The following TSPAN7 variants were observed in gnomAD, a reference collection of about 807,000 sequenced individuals.
The protein encoded by TSPAN7 is tetraspanin 7.
TSPAN7 carries 1 observed loss-of-function variant against 17.6 expected under a neutral mutation model. The ratio of observed to expected loss-of-function variants is 0.06; its 90% CI spans 0.02 to 0.27. The LOEUF (loss-of-function observed/expected upper bound fraction) is 0.27. Ranked by LOEUF, TSPAN7 falls within the 10% of genes least tolerant of loss-of-function variation. TSPAN7 has a pLI of 1.00. For missense variants in TSPAN7, 112 were observed against 201.7 expected, an observed-to-expected ratio of 0.56 and a Z score of 2.69; for synonymous variants, 78 against 79.0, an observed-to-expected ratio of 0.99 and a Z score of 0.07.
intron 1 of TSPAN7, among the ~76,000 whole-genome samples, chrX:38,614,914 T>C (rs2069445482): frequency 8.9e-6 from 1 of 112,254 alleles, no homozygotes; most frequent in Non-Finnish European, 1.9e-5. Flanking sequence ...TTTGCTTTTT[T>C]TGCAACTGTA....
intron 1 of TSPAN7, among the ~76,000 whole-genome samples, chrX:38,568,126 A>G (rs1238003138): frequency 9.0e-6 from 1 of 111,602 alleles, no homozygotes; most frequent in Non-Finnish European, 1.9e-5. Context: ...TCTTGTTCTC[A>G]GAGGCATTTC....
chrX:38,574,915 G>A (rs773244244), intron 1 of TSPAN7, among the ~76,000 whole-genome samples: 31 of 110,182 alleles, frequency 2.8e-4, no homozygotes, highest in African/African-American at 4.9e-4. Flanking sequence ...TGAGACTGTC[G>A]TCTAATTAAT....
chrX:38,561,684 T>C, intron 1 of TSPAN7, 57 bp downstream of exon 1: 1 of 1,044,924 alleles, frequency 9.6e-7, no homozygotes, highest in Non-Finnish European at 1.3e-6. Context: ...CGTATGATGA[T>C]GCTCTGAGAA....
chrX:38,596,434 T>C (rs2069318945), intron 1 of TSPAN7, among the ~76,000 whole-genome samples: 1 of 112,123 alleles, frequency 8.9e-6, no homozygotes, highest in Non-Finnish European at 1.9e-5. Flanking sequence ...TAGACTGCTT[T>C]ATATGTGGAA....
chrX:38,604,558 C>G (rs1014687044), intron 1 of TSPAN7, among the ~76,000 whole-genome samples: 46 of 111,262 alleles, frequency 4.1e-4, no homozygotes, highest in African/African-American at 1.5e-3. Flanking sequence ...TAATGATTGC[C>G]ATTCTAACTG....
At chrX:38,618,014 T>C (rs2069465643) in intron 1 of TSPAN7, among the ~76,000 whole-genome samples, 1 of 111,761 alleles carries the variant, frequency 8.9e-6, no homozygotes, top group Non-Finnish European at 1.9e-5. Context: ...GTGTTTGTAA[T>C]GGAGGAAGAA....
At chrX:38,594,052 A>C (rs1218761154) in intron 1 of TSPAN7, among the ~76,000 whole-genome samples, 1 of 112,094 alleles carries the variant, frequency 8.9e-6, no homozygotes, top group East Asian at 2.8e-4. Flanking sequence ...CATTATCTAC[A>C]ATATATGTAA....
chrX:38,566,056 T>G (rs1362640777), intron 1 of TSPAN7, among the ~76,000 whole-genome samples: 1 of 112,153 alleles, frequency 8.9e-6, no homozygotes, highest in Non-Finnish European at 1.9e-5. Flanking sequence ...CAGTAAGTCC[T>G]GTGAAGAAAA....
chrX:38,638,223 A>T (rs1045027112), intron 1 of TSPAN7, among the ~76,000 whole-genome samples: 1 of 112,076 alleles, frequency 8.9e-6, no homozygotes, highest in Non-Finnish European at 1.9e-5. Context: ...GCCCATTTTT[A>T]AAAAATTGAA....
intron 1 of TSPAN7, among the ~76,000 whole-genome samples, chrX:38,627,795 A>G (rs1229286096): frequency 8.8e-6 from 1 of 113,444 alleles, no homozygotes; most frequent in East Asian, 2.8e-4. Flanking sequence ...ACAGATATAC[A>G]TATGTATCTG....
intron 1 of TSPAN7, among the ~76,000 whole-genome samples, chrX:38,632,542 C>CCA (rs2069556757): frequency 8.9e-6 from 1 of 112,291 alleles, no homozygotes; most frequent in African/African-American, 3.2e-5. Flanking sequence ...CTGCCGGCAG[C>CCA]CAGAAAGGAA....
Position 38,639,404 on chromosome X carries a change from G to T in TSPAN7, c.82-26717G>T, listed in dbSNP as rs772459688. Among the ~76,000 whole-genome samples, 4 of 106,771 alleles carry T rather than the reference G, an allele frequency of 3.7e-5. No homozygotes were observed. The East Asian group carries it at 1.2e-3, about 31-fold the overall frequency. 92.7% of individuals were successfully genotyped at this position (106,771 alleles called of 115,157 possible). A position where few individuals can be genotyped will look rare whatever the true frequency, so the allele number is the denominator to read the frequency against. On this transcript the variant is annotated intron_variant, in intron 1 of 7. Coordinates refer to ENST00000378482, the MANE Select transcript of TSPAN7 (RefSeq NM_004615.4). The stretch of plus-strand genomic sequence containing the variant: ...CAAGTCCAGCATTCATATGCCATGT[G>T]AGATGGCCACTTTACATCGTCTGAT...
chrX:38,614,739 G>A (rs1335296635), intron 1 of TSPAN7, among the ~76,000 whole-genome samples: 1 of 112,284 alleles, frequency 8.9e-6, no homozygotes, highest in Non-Finnish European at 1.9e-5. Flanking sequence ...CGTCTATCTG[G>A]AGAACAAAGC....
At chrX:38,573,862 G>A (rs1239339336) in intron 1 of TSPAN7, among the ~76,000 whole-genome samples, 2 of 110,983 alleles carry the variant, frequency 1.8e-5, no homozygotes, top group East Asian at 5.6e-4. Flanking sequence ...GACCACAGAG[G>A]TAAAGTGCTA....
At chrX:38,650,338 C>T (rs2069669253) in intron 1 of TSPAN7, among the ~76,000 whole-genome samples, 1 of 112,346 alleles carries the variant, frequency 8.9e-6, no homozygotes, top group Non-Finnish European at 1.9e-5. Context: ...GAATGGTTTA[C>T]TAAAAATAAT....
At chrX:38,609,196 G>A (rs62589249) in intron 1 of TSPAN7, among the ~76,000 whole-genome samples, 2,157 of 111,978 alleles carry the variant, frequency 0.019, 25 homozygotes, top group Non-Finnish European at 0.032. Context: ...CGATTTTGTG[G>A]CATTAGAGAA....
chrX:38,631,029 T>C (rs1385621675), intron 1 of TSPAN7, among the ~76,000 whole-genome samples: 4 of 112,687 alleles, frequency 3.5e-5, no homozygotes, highest in African/African-American at 1.3e-4. Flanking sequence ...GGGCTAGAAT[T>C]CTTCATTATT....
chrX:38,575,100 C>A (rs1193471735), intron 1 of TSPAN7, among the ~76,000 whole-genome samples: 2 of 111,248 alleles, frequency 1.8e-5, no homozygotes, highest in Non-Finnish European at 3.8e-5. Context: ...TCAGGGCAAT[C>A]TCTGGCTGAC....
intron 4 of TSPAN7, 121 bp downstream of exon 4, chrX:38,674,437 T>G: frequency 3.2e-6 from 2 of 625,803 alleles, no homozygotes; most frequent in Non-Finnish European, 5.2e-6. Context: ...CTTAGTCCAG[T>G]TCCATTGCCA....
Sources: gnomAD v4.1 joint callset for allele counts (sites outside exome capture counted in the v4.1 genomes callset) on GRCh38, gnomAD v4.1.1 for gene constraint, MANE v1.5 for transcripts, NCBI Gene and HGNC (gene_info 2026-07-23, HGNC 2026-07-21) for gene names.